SOHLH2: variants seen among roughly 807,000 people sequenced by gnomAD.
SOHLH2 encodes the protein spermatogenesis and oogenesis specific basic helix-loop-helix 2.
Under a neutral mutation model 50.4 loss-of-function variants are expected in SOHLH2, and 22 were observed. That is an observed-to-expected ratio of 0.44 (90% CI 0.31 to 0.62). The LOEUF (loss-of-function observed/expected upper bound fraction) is 0.62, where lower values mean the gene tolerates loss of function less well. Among genes scored for constraint, SOHLH2 ranks in the 20% least tolerant of loss-of-function variants. The pLI, the probability that SOHLH2 is intolerant of heterozygous loss-of-function variation, is 0.08. For synonymous variants in SOHLH2, 185 were observed against 187.3 expected, an observed-to-expected ratio of 0.99 and a Z score of 0.10; for missense variants, 412 against 504.4, an observed-to-expected ratio of 0.82 and a Z score of 1.76.
chr13:36,185,069 G>C (rs900731504), intron 6 of SOHLH2, among the ~76,000 whole-genome samples: 1 of 152,138 alleles, frequency 6.6e-6, no homozygotes, highest in Non-Finnish European at 1.5e-5. Flanking sequence ...CTGGTTTCCA[G>C]CTTCATCTAC....
intron 1 of SOHLH2, among the ~76,000 whole-genome samples, chr13:36,207,887 G>A (rs1219975954): frequency 6.6e-6 from 1 of 152,152 alleles, no homozygotes; most frequent in Non-Finnish European, 1.5e-5. Flanking sequence ...CCTTCTTATG[G>A]TGTCATATAT....
intron 1 of SOHLH2, among the ~76,000 whole-genome samples, chr13:36,210,697 T>G (rs993383532): frequency 6.6e-6 from 1 of 152,184 alleles, no homozygotes; most frequent in African/African-American, 2.4e-5. Flanking sequence ...TACCCTACTC[T>G]AAACAGGATA....
Position 36,181,735 on chromosome 13 carries a change from G to A in SOHLH2, c.642-6866C>T, listed in dbSNP as rs140947481. On this transcript the variant is annotated intron_variant, in intron 6 of 10. Transcript: ENST00000379881. ...TTTTAAATAGTTTAAAATGAAAAAT[G>A]TTTGTTTTTGCTCAGACATTTATCA... is the stretch of plus-strand genomic sequence containing the variant. Among the ~76,000 whole-genome samples, 10 of 152,204 alleles carry A rather than the reference G, an allele frequency of 6.6e-5. No homozygotes were observed. In the East Asian group the frequency reaches 1.9e-3, roughly 29 times the overall value.
In SOHLH2 at chr13:36,168,977, A is replaced by G; in HGVS notation, c.*57T>C. On this transcript the variant is annotated 3_prime_UTR_variant, in exon 11 of 11. Transcript: ENST00000379881. ...AATCATTCTTTGTTCCACTTTTCCT[A>G]GATTGTCAAACTGCGCCCAGTAGGT... 2 of 1,576,192 alleles carry G rather than the reference A, an allele frequency of 1.3e-6. No individual in the cohort carries two copies. The highest frequency in any genetic ancestry group is 8.6e-7 in the Non-Finnish European group (1 of 1,165,366).
At chr13:36,201,248 CAATT>C (rs1225417567) in intron 2 of SOHLH2, among the ~76,000 whole-genome samples, 3 of 151,718 alleles carry the variant, frequency 2.0e-5, no homozygotes, top group Non-Finnish European at 2.9e-5. Context: ...TCTGCCACTA[CAATT>C]AATGAACTCT....
chr13:36,210,730 G>A (rs2138335001), intron 1 of SOHLH2, among the ~76,000 whole-genome samples: 1 of 152,218 alleles, frequency 6.6e-6, no homozygotes, highest in South Asian at 2.1e-4. Flanking sequence ...CCTTAGCATG[G>A]TGTTTCATAG....
At chr13:36,190,442 C>G (rs1407528762) in intron 5 of SOHLH2, among the ~76,000 whole-genome samples, 2 of 152,142 alleles carry the variant, frequency 1.3e-5, no homozygotes, top group African/African-American at 2.4e-5. Context: ...ACAAGATACA[C>G]CCTAGGCCAA....
chr13:36,196,313 A>G (rs1887728149), intron 2 of SOHLH2, among the ~76,000 whole-genome samples: 2 of 151,770 alleles, frequency 1.3e-5, no homozygotes, highest in South Asian at 2.1e-4. Flanking sequence ...TTTAGTAGAG[A>G]TGGGTTCTCA....
chr13:36,197,833 G>A (rs2138310293), intron 2 of SOHLH2, among the ~76,000 whole-genome samples: 1 of 152,340 alleles, frequency 6.6e-6, no homozygotes, highest in East Asian at 1.9e-4. Context: ...GTGACATGGT[G>A]CTAGAAGTTA....
At chr13:36,181,178 C>CCTA (rs1289022362) in intron 6 of SOHLH2, among the ~76,000 whole-genome samples, 1 of 152,052 alleles carries the variant, frequency 6.6e-6, no homozygotes, top group Non-Finnish European at 1.5e-5. Context: ...ATTAAAATAG[C>CCTA]CTATCTGACT....
At chr13:36,197,387 T>C (rs951891067) in intron 2 of SOHLH2, among the ~76,000 whole-genome samples, 3 of 152,126 alleles carry the variant, frequency 2.0e-5, no homozygotes, top group African/African-American at 7.2e-5. Flanking sequence ...CCCGGATCTG[T>C]CTCTGGTAGC....
chr13:36,201,103 T>C (rs1566044769), intron 2 of SOHLH2, among the ~76,000 whole-genome samples: 3 of 146,822 alleles, frequency 2.0e-5, no homozygotes, highest in South Asian at 4.4e-4. Flanking sequence ...TATGTGGAAC[T>C]GCAAGACGAA....
intron 1 of SOHLH2, among the ~76,000 whole-genome samples, chr13:36,213,698 G>T (rs1869258743): frequency 6.6e-6 from 1 of 152,102 alleles, no homozygotes; most frequent in African/African-American, 2.4e-5. Flanking sequence ...CGGGCTTTTT[G>T]ATTTCCATGG....
intron 2 of SOHLH2, among the ~76,000 whole-genome samples, chr13:36,196,101 T>C (rs56835396): frequency 2.8e-5 from 2 of 70,532 alleles, no homozygotes; most frequent in African/African-American, 1.1e-4. Context: ...GACAGAAAGA[T>C]AGATAGATAG....
chr13:36,174,626 C>T (rs901534168), intron 7 of SOHLH2, 59 bp from the exon 8 acceptor site: 5 of 1,604,044 alleles, frequency 3.1e-6, no homozygotes, highest in Non-Finnish European at 3.4e-6. Flanking sequence ...GATACAAAGA[C>T]ACATACTTTC....
At chr13:36,193,229 A>G (rs535733533) in intron 4 of SOHLH2, among the ~76,000 whole-genome samples, 20 of 152,360 alleles carry the variant, frequency 1.3e-4, no homozygotes, top group African/African-American at 4.8e-4. Context: ...AAGAAGTAAA[A>G]TAATTTCTAT....
chr13:36,173,573 G>T, intron 9 of SOHLH2, 119 bp downstream of exon 9: 1 of 1,176,244 alleles, frequency 8.5e-7, no homozygotes, highest in Non-Finnish European at 1.2e-6. Flanking sequence ...GACAATACCA[G>T]AAGGACTCAT....
chr13:36,175,880 A>T (rs551795890), intron 6 of SOHLH2, among the ~76,000 whole-genome samples: 1 of 152,280 alleles, frequency 6.6e-6, no homozygotes, highest in East Asian at 1.9e-4. Flanking sequence ...AACGTGTGTG[A>T]AGGGCTTTGA....
chr13:36,188,748 G>A (rs1009908878), intron 6 of SOHLH2, among the ~76,000 whole-genome samples: 1 of 152,092 alleles, frequency 6.6e-6, no homozygotes, highest in Non-Finnish European at 1.5e-5. Flanking sequence ...CTTCTCTGCT[G>A]CCTGTACCTT....
Sources: gnomAD v4.1 joint callset for allele counts (sites outside exome capture counted in the v4.1 genomes callset) on GRCh38, gnomAD v4.1.1 for gene constraint, MANE v1.5 for transcripts, NCBI Gene and HGNC (gene_info 2026-07-23, HGNC 2026-07-21) for gene names.